The following STARD13 variants were observed in gnomAD, a reference collection of about 807,000 sequenced individuals.
STARD13 encodes the protein StAR related lipid transfer domain containing 13.
STARD13 carries 62 observed loss-of-function variants against 106.4 expected under a neutral mutation model. That is an observed-to-expected ratio of 0.58 (90% CI 0.48 to 0.72). The LOEUF is 0.72. STARD13 is among the 30% of genes least tolerant of loss of function. The pLI, the probability that STARD13 is intolerant of heterozygous loss-of-function variation, is 0.00. For synonymous variants in STARD13, 565 were observed against 553.0 expected (o/e 1.02, Z -0.31); for missense variants, 1,387 against 1,424.0 (o/e 0.97, Z 0.42).
At chr13:33,653,530 G>A in the STARD13 span, among the ~76,000 whole-genome samples, 111 of 152,176 alleles carry the variant, frequency 7.3e-4, no homozygotes, top group Non-Finnish European at 1.2e-3. Flanking sequence ...ACATTAACTC[G>A]AAATGGACCA....
At chr13:33,436,530 T>C in the STARD13 span, among the ~76,000 whole-genome samples, 1 of 152,226 alleles carries the variant, frequency 6.6e-6, no homozygotes, top group African/African-American at 2.4e-5. Context: ...AATTTTTCAT[T>C]CCATTAAGCA....
the STARD13 span, among the ~76,000 whole-genome samples, chr13:33,406,533 T>C: frequency 6.6e-6 from 1 of 152,230 alleles, no homozygotes; most frequent in Admixed American, 6.5e-5. Context: ...TGTTTAAGGA[T>C]GCCTCGTTTA....
chr13:33,359,027 C>T, the STARD13 span, among the ~76,000 whole-genome samples: 4 of 152,182 alleles, frequency 2.6e-5, no homozygotes, highest in African/African-American at 9.7e-5. Flanking sequence ...CCTGACAAAA[C>T]AGGCTACTGG....
the STARD13 span, among the ~76,000 whole-genome samples, chr13:33,416,684 A>C: frequency 1.3e-5 from 2 of 152,218 alleles, no homozygotes; most frequent in Non-Finnish European, 2.9e-5. Context: ...CACACACAAA[A>C]ATTAATTCCA....
chr13:33,410,044 G>A, the STARD13 span, among the ~76,000 whole-genome samples: 1 of 152,164 alleles, frequency 6.6e-6, no homozygotes, highest in Non-Finnish European at 1.5e-5. Flanking sequence ...ATTTGGTATA[G>A]CATGTCAGAA....
chr13:33,277,111 C>T (rs185670908), intron 1 of STARD13, among the ~76,000 whole-genome samples: 7 of 151,198 alleles, frequency 4.6e-5, no homozygotes, highest in African/African-American at 1.7e-4. Context: ...TTTCATGGTA[C>T]TTGGTCCTTC....
In STARD13 at chr13:33,110,870, T is replaced by C; in HGVS notation, c.2645A>G (p.Tyr882Cys). The C allele has an allele frequency of 1.2e-6, 2 of 1,613,618 alleles. No homozygotes were observed. The highest frequency in any genetic ancestry group is 1.7e-6 in the Non-Finnish European group (2 of 1,180,030). The change falls in exon 11 of 14, where the codon TAT (tyrosine) becomes TGT (cysteine). Residue 882 changes from tyrosine to cysteine, a missense_variant. Transcript: ENST00000336934. ...HELVAQSRNSYVEAEIHVPTL... is the reference protein window; with the variant it reads ...HELVAQSRNSCVEAEIHVPTL... Reference sequence around the variant, plus strand: ...TGGCACGTGGATCTCAGCCTCCACATACGAGTTACGAGACTGGGCCACCAA... The same window carrying C: ...TGGCACGTGGATCTCAGCCTCCACACACGAGTTACGAGACTGGGCCACCAA...
At chr13:33,251,349 G>T (rs1490662413) in intron 1 of STARD13, among the ~76,000 whole-genome samples, 1 of 152,116 alleles carries the variant, frequency 6.6e-6, no homozygotes, top group Admixed American at 6.5e-5. Context: ...AAGTATCTGG[G>T]CCTTATGCTC....
exon 1 of STARD13, chr13:33,350,345 G>A: frequency 6.5e-7 from 1 of 1,534,468 alleles, no homozygotes. Context: ...CTCTGGCCGT[G>A]GAGTCCCGCA....
chr13:33,104,540 C>T lies in STARD13; in HGVS notation c.*1053G>A, dbSNP rs554066964. The T allele has an allele frequency of 5.2e-5, 8 of 152,642 alleles. No individual in the cohort carries two copies. Among genetic ancestry groups the T allele is most frequent in the Admixed American group, 5.2e-4 (8 of 15,276 alleles). The allele number at this position is 152,642 out of a possible 1,614,324, so 9.5% of individuals were successfully genotyped here. A position where few individuals can be genotyped will look rare whatever the true frequency, so the allele number is the denominator to read the frequency against. ...CGATCTAGGATTTGAACGGAATGGCCATCATCTCCCTTTGTATGGTGTCTG... is the reference window on the plus strand; with the variant it reads ...CGATCTAGGATTTGAACGGAATGGCTATCATCTCCCTTTGTATGGTGTCTG... On this transcript the variant is annotated 3_prime_UTR_variant, in exon 14 of 14. Transcript: ENST00000336934.
At chr13:33,515,168 G>A in the STARD13 span, among the ~76,000 whole-genome samples, 2 of 152,134 alleles carry the variant, frequency 1.3e-5, no homozygotes, top group African/African-American at 4.8e-5. Flanking sequence ...TCTTTCAAAT[G>A]TCCTCACAAG....
At chr13:33,675,512 C>A in the STARD13 span, among the ~76,000 whole-genome samples, 1 of 152,094 alleles carries the variant, frequency 6.6e-6, no homozygotes, top group African/African-American at 2.4e-5. Flanking sequence ...TGGGAATATG[C>A]CCTGGGGACT....
the STARD13 span, among the ~76,000 whole-genome samples, chr13:33,528,228 A>G: frequency 0.022 from 2,711 of 120,924 alleles, 206 homozygotes; most frequent in African/African-American, 0.11. Flanking sequence ...GTGTGTGTGT[A>G]TATATATATA....
At chr13:33,181,267 T>TATAC (rs375385482) in intron 1 of STARD13, among the ~76,000 whole-genome samples, 1 of 142,312 alleles carries the variant, frequency 7.0e-6, no homozygotes, top group African/African-American at 2.5e-5. Context: ...CACTCACACA[T>TATAC]ACATACACAC....
At chr13:33,579,911 A>G in the STARD13 span, among the ~76,000 whole-genome samples, 8 of 151,960 alleles carry the variant, frequency 5.3e-5, no homozygotes, top group African/African-American at 1.9e-4. Context: ...CACAAACACA[A>G]CACTGAATGT....
At chr13:33,198,926 T>C (rs1353042292) in intron 1 of STARD13, among the ~76,000 whole-genome samples, 1 of 152,224 alleles carries the variant, frequency 6.6e-6, no homozygotes, top group Non-Finnish European at 1.5e-5. Context: ...TTAAATAGCA[T>C]CTAAAACCCT....
At chr13:33,641,482 G>T in the STARD13 span, among the ~76,000 whole-genome samples, 2 of 152,124 alleles carry the variant, frequency 1.3e-5, no homozygotes, top group Admixed American at 1.3e-4. Flanking sequence ...TGAGAGTTCT[G>T]GTTTCTATGA....
At chr13:33,367,592 T>A in the STARD13 span, among the ~76,000 whole-genome samples, 1 of 152,110 alleles carries the variant, frequency 6.6e-6, no homozygotes, top group African/African-American at 2.4e-5. Flanking sequence ...CTCCTTATGG[T>A]TTCATAGCCA....
intron 1 of STARD13, among the ~76,000 whole-genome samples, chr13:33,318,222 C>A (rs1893416236): frequency 6.6e-6 from 1 of 152,100 alleles, no homozygotes; most frequent in Non-Finnish European, 1.5e-5. Flanking sequence ...GTTTTAAAAG[C>A]AATACAACAA....
Sources: allele counts gnomAD v4.1 joint callset (sites outside exome capture counted in the v4.1 genomes callset), GRCh38; gene constraint gnomAD v4.1.1; transcripts MANE v1.5; gene names NCBI Gene and HGNC (gene_info 2026-07-23, HGNC 2026-07-21).